The following SETBP1 variants were observed in gnomAD, a reference collection of about 807,000 sequenced individuals.
The protein encoded by SETBP1 is SET-binding protein.
A neutral mutation model predicts 101.0 loss-of-function variants in SETBP1; 9 were observed. The ratio of observed to expected loss-of-function variants is 0.09; its 90% CI spans 0.05 to 0.16. The LOEUF (loss-of-function observed/expected upper bound fraction) is 0.16, where lower values mean the gene tolerates loss of function less well. SETBP1 is among the 10% of genes least tolerant of loss of function. The pLI is 1.00. For synonymous variants in SETBP1, 818 were observed against 788.5 expected, an observed-to-expected ratio of 1.04 and a Z score of -0.63; for missense variants, 1,858 against 2,033.8, an observed-to-expected ratio of 0.91 and a Z score of 1.66.
chr18:44,976,320 G>A (rs971900758), intron 4 of SETBP1, among the ~76,000 whole-genome samples: 4 of 152,166 alleles, frequency 2.6e-5, no homozygotes, highest in East Asian at 1.9e-4. Flanking sequence ...AGCTTGGCTC[G>A]CATTTGAGAT....
intron 4 of SETBP1, among the ~76,000 whole-genome samples, chr18:45,017,204 G>A (rs539761297): frequency 4.6e-5 from 7 of 152,138 alleles, no homozygotes; most frequent in Non-Finnish European, 1.0e-4. Flanking sequence ...AAAACAGGAA[G>A]AGGGACCCAG....
At chr18:45,041,314 A>T (rs2073504183) in intron 5 of SETBP1, among the ~76,000 whole-genome samples, 1 of 152,230 alleles carries the variant, frequency 6.6e-6, no homozygotes, top group Admixed American at 6.5e-5. Context: ...GGTAGTTAAC[A>T]GTTTCTGGAT....
At chr18:44,931,707 C>T (rs1401419474) in intron 3 of SETBP1, among the ~76,000 whole-genome samples, 2 of 152,098 alleles carry the variant, frequency 1.3e-5, no homozygotes, top group Admixed American at 6.5e-5. Flanking sequence ...CCTTCTTTGT[C>T]TCTTTTGATC....
At chr18:44,808,957 T>C (rs1178064654) in intron 2 of SETBP1, among the ~76,000 whole-genome samples, 4 of 152,182 alleles carry the variant, frequency 2.6e-5, no homozygotes, top group Non-Finnish European at 4.4e-5. Context: ...ATATAACCAA[T>C]GGTGCAGATT....
chr18:44,974,925 T>C (rs7243221), intron 4 of SETBP1, among the ~76,000 whole-genome samples: 35,521 of 152,092 alleles, frequency 0.23, 4,481 homozygotes, highest in East Asian at 0.55. Context: ...TGTGAGTGAT[T>C]CTTTTTAAAC....
intron 4 of SETBP1, among the ~76,000 whole-genome samples, chr18:45,035,858 A>G (rs778105697): frequency 6.6e-6 from 1 of 152,228 alleles, no homozygotes; most frequent in Non-Finnish European, 1.5e-5. Flanking sequence ...GGAAATTTTC[A>G]TCAGACTCAT....
At chr18:44,732,909 C>T (rs1386418915) in intron 2 of SETBP1, 2 of 152,228 alleles carry the variant, frequency 1.3e-5, no homozygotes, top group African/African-American at 2.4e-5. Flanking sequence ...CTGCCCTGGC[C>T]CTACCGGCAG....
chr18:45,065,981 G>A lies in SETBP1; in HGVS notation c.*2283G>A, dbSNP rs2145603937. On this transcript the variant is annotated 3_prime_UTR_variant, in exon 6 of 6. Coordinates refer to ENST00000649279, the MANE Select transcript of SETBP1 (RefSeq NM_015559.3). ...CATAAAGAGGTTTCTCTTCTTACTGGGTTTTGAAATCATTTCCTTTTTTCT... is the reference window on the plus strand; with the variant it reads ...CATAAAGAGGTTTCTCTTCTTACTGAGTTTTGAAATCATTTCCTTTTTTCT... 1 of 152,262 alleles carries A rather than the reference G, an allele frequency of 6.6e-6. No homozygotes were observed. Among genetic ancestry groups the A allele is most frequent in the Non-Finnish European group, 1.5e-5 (1 of 68,024 alleles). 9.4% of individuals were successfully genotyped at this position (152,262 alleles called of 1,614,324 possible). A position where few individuals can be genotyped will look rare whatever the true frequency, so the allele number is the denominator to read the frequency against.
intron 2 of SETBP1, among the ~76,000 whole-genome samples, chr18:44,797,210 G>A (rs902595480): frequency 2.6e-5 from 4 of 152,098 alleles, no homozygotes; most frequent in East Asian, 1.9e-4. Flanking sequence ...AAGTGTTGAC[G>A]TATTGGTTTC....
At chr18:44,949,818 C>G (rs2071292268) in intron 3 of SETBP1, 63 bp from the exon 4 acceptor site, 2 of 1,315,400 alleles carry the variant, frequency 1.5e-6, no homozygotes. Context: ...TAAGTAGCTT[C>G]AACATGCTCA....
chr18:44,708,071 C>T (rs1568101233), intron 2 of SETBP1, among the ~76,000 whole-genome samples: 2 of 152,142 alleles, frequency 1.3e-5, no homozygotes, highest in Non-Finnish European at 2.9e-5. Flanking sequence ...AGGTGTTTGG[C>T]AGAGGGTGAG....
chr18:44,832,840 C>T (rs925279038), intron 2 of SETBP1, among the ~76,000 whole-genome samples: 1 of 152,212 alleles, frequency 6.6e-6, no homozygotes, highest in African/African-American at 2.4e-5. Context: ...GCATGCTGTT[C>T]TGCAAGTCGG....
At chr18:44,928,228 C>T (rs1309266909) in intron 3 of SETBP1, among the ~76,000 whole-genome samples, 2 of 152,138 alleles carry the variant, frequency 1.3e-5, no homozygotes, top group African/African-American at 4.8e-5. Context: ...TGGTTTCCAG[C>T]TTCATCCATG....
At chr18:44,784,878 TG>T (rs1480627383) in intron 2 of SETBP1, among the ~76,000 whole-genome samples, 1 of 152,224 alleles carries the variant, frequency 6.6e-6, no homozygotes, top group Non-Finnish European at 1.5e-5. Context: ...AAAATGTATA[TG>T]TATTTATACA....
intron 3 of SETBP1, chr18:44,872,274 T>A (rs193287949): frequency 3.3e-5 from 5 of 152,322 alleles, no homozygotes; most frequent in African/African-American, 1.2e-4. Flanking sequence ...TGTAGAAATT[T>A]GGAATATACA....
rs2072612089 is a variant in SETBP1, at chr18:45,001,228, TG to T, written c.4001-37255del. 3.9e-5 allele frequency among the ~76,000 whole-genome samples: 6 copies of T among 152,286 alleles called. 1 individual carries two copies. The South Asian group carries it at 1.2e-3, about 32-fold the overall frequency. On this transcript the variant is annotated intron_variant, in intron 4 of 5. Coordinates refer to ENST00000649279, the MANE Select transcript of SETBP1 (RefSeq NM_015559.3). ...TTCCACTTGTTGAGTAAGACATTTT[TG>T]GTAAGTCTTGTCACCACTCAAAGCC...
chr18:44,943,427 C>T (rs1265320568), intron 3 of SETBP1, among the ~76,000 whole-genome samples: 1 of 152,234 alleles, frequency 6.6e-6, no homozygotes, highest in African/African-American at 2.4e-5. Context: ...TGGAACATCT[C>T]TTGATAATAT....
chr18:44,721,864 T>C (rs2069605013), intron 2 of SETBP1, among the ~76,000 whole-genome samples: 1 of 152,342 alleles, frequency 6.6e-6, no homozygotes, highest in Non-Finnish European at 1.5e-5. Flanking sequence ...TAGTGTCCAT[T>C]GTAAGCAGAG....
At chr18:44,768,296 T>A (rs535632890) in intron 2 of SETBP1, among the ~76,000 whole-genome samples, 1 of 152,298 alleles carries the variant, frequency 6.6e-6, no homozygotes, top group South Asian at 2.1e-4. Flanking sequence ...CATATTGGGA[T>A]CTCCAGTGAA....
Sources: allele counts gnomAD v4.1 joint callset (sites outside exome capture counted in the v4.1 genomes callset), GRCh38; gene constraint gnomAD v4.1.1; transcripts MANE v1.5; gene names NCBI Gene and HGNC (gene_info 2026-07-23, HGNC 2026-07-21).